Variants in PDE3A observed in about 807,000 individuals in gnomAD.
PDE3A encodes cGMP-inhibited 3',5'-cyclic phosphodiesterase 3A.
Under a neutral mutation model 98.3 loss-of-function variants are expected in PDE3A, and 43 were observed. The observed-to-expected ratio is 0.44, with a 90% confidence interval of 0.34 to 0.56. PDE3A has a LOEUF of 0.56. PDE3A is among the 20% of genes least tolerant of loss of function. The probability of loss-of-function intolerance (pLI) is 0.01; values close to 1 mark genes in which losing one functional copy is unlikely to be tolerated. For missense variants in PDE3A, 1,427 were observed against 1,440.7 expected (o/e 0.99, Z 0.15); for synonymous variants, 663 against 567.9 (o/e 1.17, Z -2.38).
intron 1 of PDE3A, among the ~76,000 whole-genome samples, chr12:20,404,641 G>A (rs1944196660): frequency 6.6e-6 from 1 of 151,928 alleles, no homozygotes; most frequent in South Asian, 2.1e-4. Context: ...CACAGATCTG[G>A]CTTTATCTAA....
intron 1 of PDE3A, among the ~76,000 whole-genome samples, chr12:20,521,847 G>A (rs2121153981): frequency 6.6e-6 from 1 of 152,224 alleles, no homozygotes; most frequent in East Asian, 1.9e-4. Flanking sequence ...CTGGACAGGA[G>A]AACCAACTTA....
intron 15 of PDE3A, among the ~76,000 whole-genome samples, chr12:20,675,214 TAC>T (rs1945604098): frequency 6.6e-6 from 1 of 152,150 alleles, no homozygotes; most frequent in Non-Finnish European, 1.5e-5. Flanking sequence ...CATGTATTTA[TAC>T]AGTTTCCAAA....
intron 1 of PDE3A, among the ~76,000 whole-genome samples, chr12:20,393,500 T>C (rs530068345): frequency 6.6e-6 from 1 of 152,096 alleles, no homozygotes; most frequent in East Asian, 1.9e-4. Flanking sequence ...ACAGCCAAAC[T>C]ATATCAGTCT....
intron 1 of PDE3A, among the ~76,000 whole-genome samples, chr12:20,393,054 T>A (rs2120618776): frequency 6.6e-6 from 1 of 152,086 alleles, no homozygotes; most frequent in South Asian, 2.1e-4. Context: ...ATTCTAGTAT[T>A]TGATAGCACA....
intron 1 of PDE3A, among the ~76,000 whole-genome samples, chr12:20,522,347 G>A (rs919341503): frequency 1.3e-5 from 2 of 152,138 alleles, no homozygotes; most frequent in Admixed American, 6.5e-5. Flanking sequence ...TCAAGTCCCC[G>A]GCCTAGACCT....
At chr12:20,484,422 A>G (rs1945686160) in intron 1 of PDE3A, among the ~76,000 whole-genome samples, 3 of 152,190 alleles carry the variant, frequency 2.0e-5, no homozygotes, top group Admixed American at 6.5e-5. Context: ...CCCCAAATCA[A>G]CGTATCTCTC....
chr12:20,529,054 T>C (rs1946576461), intron 1 of PDE3A, among the ~76,000 whole-genome samples: 1 of 152,202 alleles, frequency 6.6e-6, no homozygotes, highest in African/African-American at 2.4e-5. Flanking sequence ...TTTAAATATG[T>C]TCTAGAATCA....
At chr12:20,657,147 C>G (rs1321058034) in intron 15 of PDE3A, among the ~76,000 whole-genome samples, 3 of 152,180 alleles carry the variant, frequency 2.0e-5, no homozygotes, top group Admixed American at 2.0e-4. Context: ...AAATATGGAG[C>G]AACATTAGTA....
At chr12:20,655,893 G>C (rs376528292) in intron 15 of PDE3A, among the ~76,000 whole-genome samples, 1 of 152,098 alleles carries the variant, frequency 6.6e-6, no homozygotes, top group African/African-American at 2.4e-5. Context: ...TTGAACCAGG[G>C]CAGTAGCAAC....
chr12:20,605,977 G>A (rs1943701766), intron 2 of PDE3A, among the ~76,000 whole-genome samples: 1 of 152,130 alleles, frequency 6.6e-6, no homozygotes, highest in Admixed American at 6.5e-5. Flanking sequence ...TTTAATCTGT[G>A]ATTTAAAATA....
chr12:20,585,776 T>G (rs1943179877), intron 2 of PDE3A, among the ~76,000 whole-genome samples: 1 of 152,230 alleles, frequency 6.6e-6, no homozygotes, highest in Non-Finnish European at 1.5e-5. Context: ...CTCTTTTGCT[T>G]TCTTTAGTAA....
rs138169829 is a variant in PDE3A, at chr12:20,419,823, C to G, written c.960+49579C>G. Among the ~76,000 whole-genome samples the G allele has an allele frequency of 8.6e-3, 1,281 of 148,208 alleles. 13 individuals carry two copies. The highest frequency in any genetic ancestry group is 0.03 in the African/African-American group (1,211 of 39,950). Reference sequence around the variant, plus strand: ...CTGTGATCTCGGCTCACTGCAACATCTGCCTCCGAGGTTCAAGTGATTCTT... The same window carrying G: ...CTGTGATCTCGGCTCACTGCAACATGTGCCTCCGAGGTTCAAGTGATTCTT... On this transcript the variant is annotated intron_variant, in intron 1 of 15. Coordinates refer to ENST00000359062, the MANE Select transcript of PDE3A (RefSeq NM_000921.5).
At chr12:20,452,037 G>T (rs1348396133) in intron 1 of PDE3A, among the ~76,000 whole-genome samples, 2 of 152,082 alleles carry the variant, frequency 1.3e-5, no homozygotes, top group Non-Finnish European at 2.9e-5. Flanking sequence ...GCTCTGCTCC[G>T]ATAGGTCTCA....
intron 1 of PDE3A, among the ~76,000 whole-genome samples, chr12:20,385,866 C>A (rs1943747950): frequency 6.8e-6 from 1 of 146,274 alleles, no homozygotes. Flanking sequence ...TGCAGCACAC[C>A]AACATGGCAC....
intron 2 of PDE3A, among the ~76,000 whole-genome samples, chr12:20,566,426 T>C (rs1942657915): frequency 6.6e-6 from 1 of 152,040 alleles, no homozygotes; most frequent in East Asian, 1.9e-4. Context: ...TTTAGAATTT[T>C]GTAATCATAT....
In PDE3A at chr12:20,620,798, C is replaced by T. The variant is rs911611121; in HGVS notation, c.1425-498C>T. 9.7e-5 allele frequency among the ~76,000 whole-genome samples: 14 copies of T among 144,964 alleles called. No individual in the cohort carries two copies. In the East Asian group the frequency reaches 2.0e-3, roughly 20 times the overall value. ...AAAGGTAATTTGACTAGATCATTTC[C>T]GTCACAAGGAAATAATGCAAAAAAA... On this transcript the variant is annotated intron_variant, in intron 4 of 15. Transcript: ENST00000359062.
chr12:20,486,409 C>T (rs982853026), intron 1 of PDE3A, among the ~76,000 whole-genome samples: 3 of 152,182 alleles, frequency 2.0e-5, no homozygotes, highest in Non-Finnish European at 2.9e-5. Flanking sequence ...ATTACATCCA[C>T]TTGGTGTCTC....
intron 1 of PDE3A, among the ~76,000 whole-genome samples, chr12:20,374,333 G>A (rs913390702): frequency 1.3e-5 from 2 of 152,042 alleles, no homozygotes; most frequent in Non-Finnish European, 2.9e-5. Flanking sequence ...GAGGCTGGAA[G>A]GAGTGAAAAC....
intron 2 of PDE3A, among the ~76,000 whole-genome samples, chr12:20,609,411 A>G (rs1229691335): frequency 6.6e-6 from 1 of 152,080 alleles, no homozygotes; most frequent in African/African-American, 2.4e-5. Context: ...AAAGAATTGA[A>G]CACAGAAATA....
Sources: allele counts gnomAD v4.1 joint callset (sites outside exome capture counted in the v4.1 genomes callset), GRCh38; gene constraint gnomAD v4.1.1; transcripts MANE v1.5; gene names NCBI Gene and HGNC (gene_info 2026-07-23, HGNC 2026-07-21).